ULK4: variants seen among roughly 807,000 people sequenced by gnomAD.
The protein encoded by ULK4 is unc-51 like kinase 4, also known as inactive serine/threonine-protein kinase ULK4.
In ULK4, 133 loss-of-function variants were observed where a neutral mutation model predicts 160.6. That is an observed-to-expected ratio of 0.83 (90% confidence interval 0.72 to 0.96). The LOEUF (loss-of-function observed/expected upper bound fraction) is 0.96. Among genes scored for constraint, ULK4 ranks in the 40% least tolerant of loss-of-function variants. The pLI, the probability that ULK4 is intolerant of heterozygous loss-of-function variation, is 0.00. For missense variants in ULK4, 1,580 were observed against 1,499.5 expected, an observed-to-expected ratio of 1.05 and a Z score of -0.89; for synonymous variants, 534 against 539.8, an observed-to-expected ratio of 0.99 and a Z score of 0.15.
chr3:41,344,004 G>T (rs1350164925), intron 35 of ULK4, among the ~76,000 whole-genome samples: 1 of 152,134 alleles, frequency 6.6e-6, no homozygotes, highest in African/African-American at 2.4e-5. Flanking sequence ...GAACCAAAAA[G>T]AACCCAAATA....
chr3:41,277,216 T>C (rs994650983), intron 35 of ULK4, among the ~76,000 whole-genome samples: 3 of 152,036 alleles, frequency 2.0e-5, no homozygotes, highest in Non-Finnish European at 2.9e-5. Flanking sequence ...TCCCACAAGA[T>C]AACAAAAGAA....
chr3:41,810,598 T>C lies in ULK4; in HGVS notation c.1848+8825A>G, dbSNP rs541595316. Among the ~76,000 whole-genome samples, 6 of 152,298 alleles carry C rather than the reference T, an allele frequency of 3.9e-5. No individual in the cohort carries two copies. The South Asian group carries it at 1.2e-3, about 32-fold the overall frequency. ...GGGAGACCAAAGCAGGAGGATCGCTTGAGCTTAGGAGTTCAAGACAAGCCC... is the reference window on the plus strand; with the variant it reads ...GGGAGACCAAAGCAGGAGGATCGCTCGAGCTTAGGAGTTCAAGACAAGCCC... On this transcript the variant is annotated intron_variant, in intron 19 of 36. Transcript: ENST00000301831.
rs535383133 is a variant in ULK4, at chr3:41,328,653, T to C, written c.3678+69426A>G. Among the ~76,000 whole-genome samples the C allele has an allele frequency of 2.6e-5, 4 of 152,260 alleles. No homozygotes were observed. The East Asian group carries it at 5.8e-4, about 22-fold the overall frequency. On this transcript the variant is annotated intron_variant, in intron 35 of 36. Transcript: ENST00000301831. Reference sequence around the variant, plus strand: ...ATATATGTAAATCCAATATAAACTCTTGAAAGGTGCTGAGCTTCCTGATAC... The same window carrying C: ...ATATATGTAAATCCAATATAAACTCCTGAAAGGTGCTGAGCTTCCTGATAC...
chr3:41,950,578 A>G (rs1441850679), intron 2 of ULK4, among the ~76,000 whole-genome samples: 1 of 151,644 alleles, frequency 6.6e-6, no homozygotes, highest in Admixed American at 6.6e-5. Flanking sequence ...TTGCAGGGAC[A>G]CATTTTCACC....
intron 27 of ULK4, among the ~76,000 whole-genome samples, chr3:41,686,580 G>T (rs777396099): frequency 1.6e-4 from 25 of 152,130 alleles, no homozygotes; most frequent in Admixed American, 5.2e-4. Context: ...ATAATCCAGA[G>T]GATACCAGAC....
intron 35 of ULK4, among the ~76,000 whole-genome samples, chr3:41,281,872 C>T (rs919956073): frequency 2.0e-4 from 31 of 152,346 alleles, no homozygotes; most frequent in African/African-American, 7.0e-4. Context: ...TTCCTGTTTG[C>T]AGATGACATG....
At chr3:41,828,779 G>C (rs1203102662) in intron 18 of ULK4, among the ~76,000 whole-genome samples, 1 of 152,000 alleles carries the variant, frequency 6.6e-6, no homozygotes, top group Non-Finnish European at 1.5e-5. Context: ...TTTCTTTACA[G>C]AATTAGAAAA....
At chr3:41,936,092 C>T in intron 3 of ULK4, 152 bp from the exon 4 acceptor site, 10 of 991,574 alleles carry the variant, frequency 1.0e-5, no homozygotes, top group East Asian at 2.6e-5. Context: ...TGAGTAAATA[C>T]AGTGGCCCGA....
At chr3:41,833,873 C>A (rs1290924212) in intron 18 of ULK4, among the ~76,000 whole-genome samples, 1 of 152,100 alleles carries the variant, frequency 6.6e-6, no homozygotes, top group East Asian at 1.9e-4. Context: ...CTGATCACCC[C>A]GGCGAGAACT....
At chr3:41,316,892 G>A (rs115286507) in intron 35 of ULK4, among the ~76,000 whole-genome samples, 1 of 152,144 alleles carries the variant, frequency 6.6e-6, no homozygotes, top group Admixed American at 6.5e-5. Flanking sequence ...TCTTTATTAA[G>A]TAAATGAGTT....
At chr3:41,663,435 A>C (rs573942501) in intron 30 of ULK4, among the ~76,000 whole-genome samples, 172 bp downstream of exon 30, 1 of 152,236 alleles carries the variant, frequency 6.6e-6, no homozygotes, top group Non-Finnish European at 1.5e-5. Context: ...TGAGAACGAG[A>C]GTCAAAACAG....
chr3:41,642,433 T>C (rs2034258348), intron 30 of ULK4, among the ~76,000 whole-genome samples: 3 of 152,210 alleles, frequency 2.0e-5, no homozygotes, highest in South Asian at 4.2e-4. Context: ...AGTGAGAACA[T>C]GCAGTGTTTG....
rs577712554 is a variant in ULK4, at chr3:41,486,629, A to AT, written c.3227-23377dup. On this transcript the variant is annotated intron_variant, in intron 32 of 36. Transcript: ENST00000301831. ...AATTTGTGCTACTGGTTTGGGGAGC[A>AT]TTTTTTTTATTTCTATAGTTGGTCC... Among the ~76,000 whole-genome samples the AT allele has an allele frequency of 3.9e-5, 6 of 151,988 alleles. No homozygotes were observed. The East Asian group carries it at 7.7e-4, about 20-fold the overall frequency.
At chr3:41,566,316 G>A (rs2087781403) in intron 31 of ULK4, among the ~76,000 whole-genome samples, 186 bp from the exon 32 acceptor site, 1 of 152,150 alleles carries the variant, frequency 6.6e-6, no homozygotes, top group Non-Finnish European at 1.5e-5. Flanking sequence ...AAGTGAGCTG[G>A]GAGGGAGGGT....
chr3:41,866,121 C>A (rs902512301), intron 17 of ULK4, among the ~76,000 whole-genome samples: 12 of 152,074 alleles, frequency 7.9e-5, no homozygotes, highest in African/African-American at 2.9e-4. Context: ...AGTAACAAAA[C>A]AACTTCAAAC....
Position 41,800,173 on chromosome 3 carries a change from T to C in ULK4, c.1969A>G (p.Arg657Gly). ...EIGPILWYLFRHSTADSLRIT... is the reference protein window; with the variant it reads ...EIGPILWYLFGHSTADSLRIT... ...CTAAGAGAATCAGCAGTGGAGTGTC[T>C]GAATAGGTACCACAAAATGGGTCCT... Residue 657 changes from arginine (R) to glycine (G), a missense_variant, in exon 20 of 37, where the codon AGA becomes GGA. Arg to Gly is a moderately radical substitution (Grantham distance 125). Coordinates refer to ENST00000301831, the MANE Select transcript of ULK4 (RefSeq NM_017886.4). The C allele has an allele frequency of 6.2e-7, 1 of 1,613,656 alleles. No individual in the cohort carries two copies. The highest frequency in any genetic ancestry group is 1.1e-5 in the South Asian group (1 of 90,962).
At chr3:41,302,644 T>A (rs960585937) in intron 35 of ULK4, among the ~76,000 whole-genome samples, 10 of 152,238 alleles carry the variant, frequency 6.6e-5, no homozygotes, top group Admixed American at 3.9e-4. Context: ...CAGCTTTATT[T>A]GCTTCCCAAT....
intron 30 of ULK4, among the ~76,000 whole-genome samples, chr3:41,630,790 G>C (rs574861588): frequency 7.9e-5 from 12 of 152,204 alleles, no homozygotes; most frequent in African/African-American, 2.9e-4. Context: ...TGCATATTTG[G>C]TTCTCTGAAT....
At chr3:41,847,842 A>G (rs988298449) in intron 17 of ULK4, among the ~76,000 whole-genome samples, 1 of 152,222 alleles carries the variant, frequency 6.6e-6, no homozygotes, top group Non-Finnish European at 1.5e-5. Context: ...TGAAACTTCA[A>G]ACTCTTGGTT....
Sources: gnomAD v4.1 joint callset for allele counts (sites outside exome capture counted in the v4.1 genomes callset) on GRCh38, gnomAD v4.1.1 for gene constraint, MANE v1.5 for transcripts, NCBI Gene and HGNC (gene_info 2026-07-23, HGNC 2026-07-21) for gene names.